Variants in NIBAN3 observed in about 807,000 individuals in gnomAD.
The protein encoded by NIBAN3 is niban apoptosis regulator 3, also known as protein Niban 3.
In NIBAN3, 66 loss-of-function variants were observed where a neutral mutation model predicts 76.4. The observed-to-expected ratio is 0.86, with a 90% CI of 0.71 to 1.06. The LOEUF is 1.06. Ranked by LOEUF, NIBAN3 falls within the 50% of genes least tolerant of loss-of-function variation. The probability of loss-of-function intolerance (pLI) is 0.00; values close to 1 mark genes in which losing one functional copy is unlikely to be tolerated. For missense variants in NIBAN3, 808 were observed against 810.7 expected, an observed-to-expected ratio of 1.00 and a Z score of 0.04; for synonymous variants, 360 against 355.2, an observed-to-expected ratio of 1.01 and a Z score of -0.15.
upstream of NIBAN3, among the ~76,000 whole-genome samples, chr19:17,525,601 A>G (rs968087489): frequency 6.6e-6 from 1 of 152,042 alleles, no homozygotes; most frequent in Non-Finnish European, 1.5e-5. Flanking sequence ...GGCGGGAGCA[A>G]GAGTTCTCTA....
rs766721817 is a variant in NIBAN3 at position 17,543,319 on chromosome 19, C to A, written c.1332C>A (p.Leu444=). 4.5e-6 allele frequency: 7 copies of A among 1,557,436 alleles called. No homozygotes were observed. The highest frequency in any genetic ancestry group is 6.1e-6 in the Non-Finnish European group (7 of 1,148,058). The change falls in exon 11 of 15, where the codon CTC becomes CTA. Residue 444 remains leucine, a splice_region_variant and synonymous_variant. Coordinates refer to ENST00000599164, the MANE Select transcript of NIBAN3 (RefSeq NM_001321827.2). ...VFGAQDLAQQ[L]MADAVATFLQ... is the part of the protein sequence containing the mutation. ...CATCATAGCATCTCCTCCCACAGCT[C>A]ATGGCTGACGCCGTGGCCACCTTCC...
At chr19:17,546,394 T>A (rs2076055553) in intron 12 of NIBAN3, 1 of 266,064 alleles carries the variant, frequency 3.8e-6, no homozygotes, top group African/African-American at 2.3e-5. Context: ...TTTTGTACTT[T>A]TAGTAGAGAC....
At chr19:17,529,883 G>A (rs1404455122) in intron 1 of NIBAN3, among the ~76,000 whole-genome samples, 1 of 152,078 alleles carries the variant, frequency 6.6e-6, no homozygotes, top group Non-Finnish European at 1.5e-5. Flanking sequence ...AACATAGCAA[G>A]ACCTTGTCTC....
rs572496348 is a variant in NIBAN3 at position 17,540,261 on chromosome 19, C to G, written c.980-131C>G. The G allele has an allele frequency of 9.8e-6, 6 of 611,454 alleles. No individual in the cohort carries two copies. The East Asian group carries it at 2.1e-4, about 21-fold the overall frequency. 37.9% of individuals were successfully genotyped at this position (611,454 alleles called of 1,614,324 possible). On this transcript the variant is annotated intron_variant, in intron 8 of 14. Coordinates refer to ENST00000599164, the MANE Select transcript of NIBAN3 (RefSeq NM_001321827.2). ...GCCCGCCCCTCCGAGGCTCAGTTTT[C>G]TCATCATTACAATGGGTAGAAGAGG...
chr19:17,527,487 G>A (rs951259267), intron 1 of NIBAN3, 92 bp downstream of exon 1: 199 of 1,331,978 alleles, frequency 1.5e-4, no homozygotes, highest in Non-Finnish European at 1.8e-4. Context: ...GATGGGGTTC[G>A]GTTCAGACCT....
Position 17,542,386 on chromosome 19 carries a change from T to G in NIBAN3, c.1329+92T>G. On this transcript the variant is annotated intron_variant, in intron 10 of 14. Coordinates refer to ENST00000599164, the MANE Select transcript of NIBAN3 (RefSeq NM_001321827.2). The surrounding 1 kb of genome is among the most constrained non-coding windows in gnomAD (Gnocchi z 4.8). ...GTGTGCCCTGGAGAGACCACGATGATCGAGACAACTCCGCGGGGCTGCCAG... is the reference window on the plus strand; with the variant it reads ...GTGTGCCCTGGAGAGACCACGATGAGCGAGACAACTCCGCGGGGCTGCCAG... 3.0e-6 allele frequency: 4 copies of G among 1,347,726 alleles called. No homozygotes were observed. Among genetic ancestry groups the G allele is most frequent in the Middle Eastern group, 2.4e-4 (1 of 4,220 alleles). 83.5% of individuals were successfully genotyped at this position (1,347,726 alleles called of 1,614,324 possible).
At chr19:17,527,172 G>GC (rs553942812), upstream of NIBAN3, 41 of 1,509,164 alleles carry the variant, frequency 2.7e-5, no homozygotes, top group African/African-American at 5.0e-4. Flanking sequence ...GGCAACACGG[G>GC]CCCCAGGGGA....
At chr19:17,545,333 C>G (rs1404239271) in intron 12 of NIBAN3, 1 of 159,144 alleles carries the variant, frequency 6.3e-6, no homozygotes, top group African/African-American at 2.4e-5. Flanking sequence ...TCCCAAGTAG[C>G]TGGGATTACA....
intron 2 of NIBAN3, 38 bp from the exon 3 acceptor site, chr19:17,532,225 C>T: frequency 6.3e-7 from 1 of 1,579,464 alleles, no homozygotes; most frequent in South Asian, 1.2e-5. Flanking sequence ...GACATCAGCC[C>T]ACAGCCCCCT....
Position 17,549,442 on chromosome 19 carries a change from A to C in NIBAN3, c.1667-2A>C. The C allele has an allele frequency of 6.2e-7, 1 of 1,610,074 alleles. No individual in the cohort carries two copies. The highest frequency in any genetic ancestry group is 8.5e-7 in the Non-Finnish European group (1 of 1,176,784). On this transcript the variant is annotated splice_acceptor_variant, in intron 13 of 14. Transcript: ENST00000599164. LOFTEE classifies it high-confidence loss of function. ...TGTGTCCAAGAGTTCATCTCATTTC[A>C]GAATTGAAAAAGACCCTTGGTGCCA...
rs2076180771 is a variant in NIBAN3, at chr19:17,553,111, A to C, written c.*1213A>C. ...ATCCAAATATGTTGATTAGCCATTT[A>C]CATGTTTGTAGTTTTTTTTTTTTTA... is the stretch of plus-strand genomic sequence containing the variant. On this transcript the variant is annotated 3_prime_UTR_variant, in exon 15 of 15. Transcript: ENST00000599164. The C allele has an allele frequency of 1.4e-6, 1 of 733,940 alleles. No homozygotes were observed. 45.5% of individuals were successfully genotyped at this position (733,940 alleles called of 1,614,324 possible). A position where few individuals can be genotyped will look rare whatever the true frequency, so the allele number is the denominator to read the frequency against.
chr19:17,523,410 C>T (rs1298146113), upstream of NIBAN3: 21 of 1,548,578 alleles, frequency 1.4e-5, no homozygotes, highest in Non-Finnish European at 1.7e-5. Context: ...TCCCGGCAGG[C>T]CACTCAGATG....
At chr19:17,554,559 G>A (rs1255029307), downstream of NIBAN3, among the ~76,000 whole-genome samples, 2 of 151,486 alleles carry the variant, frequency 1.3e-5, no homozygotes, top group African/African-American at 2.4e-5. Context: ...TGAGGTGGGC[G>A]GATCAGGAGG....
downstream of NIBAN3, among the ~76,000 whole-genome samples, chr19:17,555,181 A>T (rs116762324): frequency 6.6e-6 from 1 of 152,134 alleles, no homozygotes; most frequent in African/African-American, 2.4e-5. Flanking sequence ...CGGGGACTGA[A>T]TGTGACGCCA....
intron 13 of NIBAN3, among the ~76,000 whole-genome samples, chr19:17,548,635 G>A (rs1436171037): frequency 6.6e-6 from 1 of 152,136 alleles, no homozygotes; most frequent in Non-Finnish European, 1.5e-5. Flanking sequence ...CATAGAAGGT[G>A]AGTTCAGCAG....
At chr19:17,525,456 A>G (rs2144655314), upstream of NIBAN3, among the ~76,000 whole-genome samples, 1 of 152,290 alleles carries the variant, frequency 6.6e-6, no homozygotes, top group South Asian at 2.1e-4. Context: ...GAGACGCCCA[A>G]CTAACCAAAC....
At chr19:17,523,865 G>A (rs1337528130), upstream of NIBAN3, among the ~76,000 whole-genome samples, 1 of 152,098 alleles carries the variant, frequency 6.6e-6, no homozygotes, top group Non-Finnish European at 1.5e-5. Flanking sequence ...CTCCTTTCCT[G>A]CAGCTTTTTG....
upstream of NIBAN3, among the ~76,000 whole-genome samples, chr19:17,526,874 C>G (rs2075614843): frequency 6.6e-6 from 1 of 152,058 alleles, no homozygotes; most frequent in African/African-American, 2.4e-5. Context: ...GTCTCCCCAG[C>G]CTGGGGACTC....
chr19:17,536,981 A>G (rs1884012447), intron 4 of NIBAN3, among the ~76,000 whole-genome samples: 1 of 152,164 alleles, frequency 6.6e-6, no homozygotes, highest in Admixed American at 6.6e-5. Context: ...TTTTGTTAAA[A>G]AAAGAAAGAA....
Sources: gnomAD v4.1 joint callset for allele counts (sites outside exome capture counted in the v4.1 genomes callset) on GRCh38, gnomAD v4.1.1 for gene constraint, Gnocchi (gnomAD v3.1) non-coding constraint, MANE v1.5 for transcripts, NCBI Gene and HGNC (gene_info 2026-07-23, HGNC 2026-07-21) for gene names.